The following MAP3K1 variants were observed in gnomAD, a reference collection of about 807,000 sequenced individuals.
MAP3K1 encodes the protein MAP/ERK kinase kinase 1.
In MAP3K1, 36 loss-of-function variants were observed where a neutral mutation model predicts 144.2. That is an observed-to-expected ratio of 0.25 (90% CI 0.19 to 0.33). The LOEUF is 0.33. Ranked by LOEUF, MAP3K1 falls within the 10% of genes least tolerant of loss-of-function variation. The probability of loss-of-function intolerance (pLI) is 1.00; values close to 1 mark genes in which losing one functional copy is unlikely to be tolerated. For synonymous variants in MAP3K1, 718 were observed against 688.7 expected, an observed-to-expected ratio of 1.04 and a Z score of -0.67; for missense variants, 1,650 against 1,881.9, an observed-to-expected ratio of 0.88 and a Z score of 2.28.
chr5:56,875,512 C>T (rs1034843970), intron 10 of MAP3K1, among the ~76,000 whole-genome samples: 1 of 152,016 alleles, frequency 6.6e-6, no homozygotes, highest in Non-Finnish European at 1.5e-5. Context: ...TCCAAGGTTT[C>T]TTATATAACT....
Position 56,893,796 on chromosome 5 carries a change from G to A in MAP3K1, c.*116G>A. 2 of 1,115,634 alleles carry A rather than the reference G, an allele frequency of 1.8e-6. No individual in the cohort carries two copies. Among genetic ancestry groups the A allele is most frequent in the Non-Finnish European group, 2.6e-6 (2 of 758,542 alleles). The allele number at this position is 1,115,634 out of a possible 1,614,324, so 69.1% of individuals were successfully genotyped here. A position where few individuals can be genotyped will look rare whatever the true frequency, so the allele number is the denominator to read the frequency against. ...GATGCCACTGAACAGCTATGAACGA[G>A]GCCAGTGGGGAACCCTTACCTAAGT... On this transcript the variant is annotated 3_prime_UTR_variant, in exon 20 of 20. Coordinates refer to ENST00000399503, the MANE Select transcript of MAP3K1 (RefSeq NM_005921.2).
At chr5:56,867,051 T>C (rs1747696334) in intron 6 of MAP3K1, among the ~76,000 whole-genome samples, 3 of 152,170 alleles carry the variant, frequency 2.0e-5, no homozygotes, top group African/African-American at 7.2e-5. Flanking sequence ...TCCAGCCTCC[T>C]GAACTCCTAG....
intron 3 of MAP3K1, among the ~76,000 whole-genome samples, chr5:56,864,402 G>A (rs1164498093): frequency 6.9e-6 from 1 of 144,590 alleles, no homozygotes; most frequent in Admixed American, 6.9e-5. Context: ...TTTTGAGATG[G>A]AGCCTCGCTC....
intron 1 of MAP3K1, among the ~76,000 whole-genome samples, chr5:56,849,903 C>G (rs536495116): frequency 3.4e-4 from 52 of 152,282 alleles, no homozygotes; most frequent in Middle Eastern, 3.4e-3. Flanking sequence ...GTGTTTTTTA[C>G]ATATAGACTT....
chr5:56,864,598 C>T, intron 3 of MAP3K1, 136 bp from the exon 4 acceptor site: 1 of 812,284 alleles, frequency 1.2e-6, no homozygotes, highest in Non-Finnish European at 2.1e-6. Flanking sequence ...TGGTCTGGAT[C>T]TCCTGACCTC....
intron 1 of MAP3K1, among the ~76,000 whole-genome samples, chr5:56,819,124 T>C (rs1444174822): frequency 1.3e-5 from 2 of 152,228 alleles, no homozygotes; most frequent in Non-Finnish European, 2.9e-5. Flanking sequence ...TCTTCAAAGA[T>C]GAACCTTAAT....
At chr5:56,855,033 A>G (rs577344676) in intron 1 of MAP3K1, among the ~76,000 whole-genome samples, 2 of 152,234 alleles carry the variant, frequency 1.3e-5, no homozygotes, top group Admixed American at 6.5e-5. Flanking sequence ...TGGAATACCA[A>G]CTGAGCAGGA....
intron 15 of MAP3K1, among the ~76,000 whole-genome samples, chr5:56,884,288 G>A (rs767815384): frequency 1.3e-5 from 2 of 150,664 alleles, no homozygotes; most frequent in Non-Finnish European, 3.0e-5. Context: ...GTACTTGTGC[G>A]GTGCCATCTT....
chr5:56,881,748 A>G lies in MAP3K1; in HGVS notation c.2548A>G (p.Thr850Ala), dbSNP rs780193795. ...MLSVSSSTHF[T>A]RMRRRLMAIA... ...GAGTGTTTCCAGTTCCACTCACTTC[A>G]CCAGGATGCGTCGCCGTTTGATGGC... The change falls in exon 14 of 20, where the codon ACC (threonine) becomes GCC (alanine). Residue 850 changes from threonine to alanine, a missense_variant. Thr to Ala is a moderately conservative substitution (Grantham distance 58). This residue lies in a region of MAP3K1 where 841 missense variants were observed against 886.5 expected (regional missense o/e 0.95). Transcript: ENST00000399503. The G allele has an allele frequency of 1.9e-6, 3 of 1,614,038 alleles. No homozygotes were observed. Among genetic ancestry groups the G allele is most frequent in the Non-Finnish European group, 2.5e-6 (3 of 1,180,038 alleles).
chr5:56,878,883 G>A, intron 10 of MAP3K1, 97 bp from the exon 11 acceptor site: 1 of 1,026,334 alleles, frequency 9.7e-7, no homozygotes, highest in South Asian at 1.3e-5. Flanking sequence ...ATCCATTCCT[G>A]TCTACTTATT....
intron 1 of MAP3K1, chr5:56,852,101 A>G (rs1356545010): frequency 1.3e-5 from 2 of 149,882 alleles, no homozygotes; most frequent in Admixed American, 1.3e-4. Context: ...AAAAAAAGTC[A>G]TCTGCAGAGA....
intron 15 of MAP3K1, among the ~76,000 whole-genome samples, chr5:56,884,370 T>C (rs1381802478): frequency 6.6e-6 from 1 of 152,198 alleles, no homozygotes; most frequent in African/African-American, 2.4e-5. Context: ...TAAACTTTCA[T>C]TTTTAAATCA....
Position 56,815,730 on chromosome 5 carries a change from G to T in MAP3K1, c.157G>T (p.Glu53Ter). Residue 53 changes from glutamate to a stop codon, truncating the protein, a stop_gained, in exon 1 of 20, where the codon GAG (glutamate) becomes TAG (stop). Transcript: ENST00000399503. LOFTEE classifies it high-confidence loss of function. ...LLREAGSGGR[E>*]RADWRRRQLR... ...GCGGGAGGCGGGCAGCGGGGGCCGC[G>T]AGCGGGCGGACTGGCGGCGGCGGCA... 7.4e-7 allele frequency: 1 copy of T among 1,343,262 alleles called. No homozygotes were observed. Among genetic ancestry groups the T allele is most frequent in the Non-Finnish European group, 9.6e-7 (1 of 1,045,940 alleles). The allele number at this position is 1,343,262 out of a possible 1,614,324, so 83.2% of individuals were successfully genotyped here. A position where few individuals can be genotyped will look rare whatever the true frequency, so the allele number is the denominator to read the frequency against.
Position 56,872,943 on chromosome 5 carries a change from A to G in MAP3K1, c.1624A>G (p.Thr542Ala), listed in dbSNP as rs762401335. The change falls in exon 9 of 20, where the codon ACT (threonine) becomes GCT (alanine). Residue 542 changes from threonine (T) to alanine (A), a missense_variant. Physicochemically the swap from Thr to Ala is moderately conservative, Grantham distance 58. This residue lies in a region of MAP3K1 where 841 missense variants were observed against 886.5 expected (regional missense o/e 0.95). Transcript: ENST00000399503. ...RRNQESNFNL[T>A]HYGTQQIPPA... ...GAATCAAGAGAGCAATTTTAACCTT[A>G]CTCATTATGGAACTCAGCAAATCCC... 93 of 1,613,918 alleles carry G rather than the reference A, an allele frequency of 5.8e-5. No individual in the cohort carries two copies. The highest frequency in any genetic ancestry group is 7.7e-5 in the Non-Finnish European group (91 of 1,179,948).
chr5:56,877,231 C>G (rs1748060773), intron 10 of MAP3K1, among the ~76,000 whole-genome samples: 1 of 152,216 alleles, frequency 6.6e-6, no homozygotes, highest in South Asian at 2.1e-4. Flanking sequence ...TTCAGGCATA[C>G]TTGACTAAAT....
At chr5:56,892,343 A>G (rs944939431) in intron 19 of MAP3K1, among the ~76,000 whole-genome samples, 2 of 152,176 alleles carry the variant, frequency 1.3e-5, no homozygotes, top group Non-Finnish European at 2.9e-5. Context: ...TTATTGGTGT[A>G]TAAGAATGCT....
intron 1 of MAP3K1, among the ~76,000 whole-genome samples, chr5:56,844,183 G>GTTTTTTTTTTTTTTTTTTT (rs770169813): frequency 2.6e-5 from 2 of 76,092 alleles, no homozygotes; most frequent in Non-Finnish European, 2.3e-5. Context: ...GTTTTTTTTG[G>GTTTTTTTTTTTTTTTTTTT]TTTTTTTTTT....
At chr5:56,858,299 A>G (rs188605820) in intron 2 of MAP3K1, among the ~76,000 whole-genome samples, 2 of 152,338 alleles carry the variant, frequency 1.3e-5, no homozygotes, top group East Asian at 3.9e-4. Context: ...AAAATGAGCC[A>G]GCTATTTGTT....
At chr5:56,885,604 T>A (rs116755558) in intron 16 of MAP3K1, among the ~76,000 whole-genome samples, 1 of 152,206 alleles carries the variant, frequency 6.6e-6, no homozygotes, top group African/African-American at 2.4e-5. Context: ...TTGTTTACTT[T>A]AGTCATTAAT....
Sources: gnomAD v4.1 joint callset for allele counts (sites outside exome capture counted in the v4.1 genomes callset) on GRCh38, gnomAD v4.1.1 for gene constraint, gnomAD v4.1.1 regional missense constraint, MANE v1.5 for transcripts, NCBI Gene and HGNC (gene_info 2026-07-23, HGNC 2026-07-21) for gene names.